Variants in FERMT1 observed in about 807,000 individuals in gnomAD.
The protein encoded by FERMT1 is FERM domain containing kindlin 1, also known as fermitin family homolog 1.
In FERMT1, 60 loss-of-function variants were observed where a neutral mutation model predicts 85.3. The ratio of observed to expected loss-of-function variants is 0.70; its 90% CI spans 0.57 to 0.87. FERMT1 has a LOEUF of 0.87. Ranked by LOEUF, FERMT1 falls within the 40% of genes least tolerant of loss-of-function variation. The probability of loss-of-function intolerance (pLI) is 0.00; values close to 1 mark genes in which losing one functional copy is unlikely to be tolerated. For synonymous variants in FERMT1, 275 were observed against 301.1 expected (o/e 0.91, Z 0.90); for missense variants, 701 against 818.9 (o/e 0.86, Z 1.76).
chr20:6,087,776 C>A lies in FERMT1; in HGVS notation c.1371+1G>T. On this transcript the variant is annotated splice_donor_variant, in intron 11 of 14. Coordinates refer to ENST00000217289, the MANE Select transcript of FERMT1 (RefSeq NM_017671.5). LOFTEE classifies it high-confidence loss of function. ...CTTAATATTTTTGGGGTTTTACTCA[C>A]ATGGTCACATCTCAAATACATTTCA... is the stretch of plus-strand genomic sequence containing the variant. The A allele has an allele frequency of 6.5e-7, 1 of 1,547,760 alleles. No individual in the cohort carries two copies. The highest frequency in any genetic ancestry group is 8.9e-7 in the Non-Finnish European group (1 of 1,119,512).
rs146180696 is a variant in FERMT1, at chr20:6,097,571, C to A, written c.910G>T (p.Glu304Ter). 201 of 1,613,976 alleles carry A rather than the reference C, an allele frequency of 1.2e-4. No individual in the cohort carries two copies. Among genetic ancestry groups the A allele is most frequent in the Non-Finnish European group, 1.6e-4 (189 of 1,180,000 alleles). ...ATTTCTTCCTCTGTGCAATCAATTT[C>A]TTCTAAGAGAATGGCCCACCTGGCT... ...EQARWAILLE[E>*]IDCTEEEMLI... Residue 304 changes from glutamate to a stop codon, truncating the protein, a stop_gained, in exon 7 of 15, where the codon GAA becomes TAA. Coordinates refer to ENST00000217289, the MANE Select transcript of FERMT1 (RefSeq NM_017671.5). LOFTEE classifies it high-confidence loss of function.
chr20:6,118,130 C>T (rs561561080), intron 2 of FERMT1, among the ~76,000 whole-genome samples: 2 of 152,138 alleles, frequency 1.3e-5, no homozygotes, highest in Admixed American at 6.5e-5. Context: ...AAAATGTAAA[C>T]AACCCAAATG....
chr20:6,116,742 A>AAAAG (rs397958119), intron 2 of FERMT1, among the ~76,000 whole-genome samples: 1 of 151,250 alleles, frequency 6.6e-6, no homozygotes, highest in Non-Finnish European at 1.5e-5. Context: ...AAAAAAAAAA[A>AAAAG]TGGAAAATAG....
At chr20:6,094,859 T>C in intron 9 of FERMT1, 80 bp downstream of exon 9, 1 of 841,286 alleles carries the variant, frequency 1.2e-6, no homozygotes, top group Non-Finnish European at 2.1e-6. Context: ...GCCTCAGGGA[T>C]ATATAATTTA....
At chr20:6,099,726 T>TG (rs112813313) in intron 6 of FERMT1, among the ~76,000 whole-genome samples, 14,293 of 150,914 alleles carry the variant, frequency 0.095, 1,179 homozygotes, top group East Asian at 0.47. Flanking sequence ...TTTAAAAAAG[T>TG]GGCTCTTGTC....
chr20:6,077,611 A>G (rs367683236), intron 14 of FERMT1, among the ~76,000 whole-genome samples: 3 of 152,178 alleles, frequency 2.0e-5, no homozygotes, highest in East Asian at 3.8e-4. Flanking sequence ...GTTTAGATAC[A>G]AGGATTTTGC....
At chr20:6,097,177 GA>G in intron 7 of FERMT1, 144 bp from the exon 8 acceptor site, 2 of 864,346 alleles carry the variant, frequency 2.3e-6, no homozygotes, top group South Asian at 1.4e-5. Flanking sequence ...CCCGTGTGGG[GA>G]AAATGACATT....
In FERMT1 at chr20:6,078,713, C is replaced by A. The variant is rs7269702; in HGVS notation, c.1860+723G>T. Among the ~76,000 whole-genome samples the A allele has an allele frequency of 8.0e-3, 1,204 of 150,786 alleles. 19 individuals are homozygous for A. Among genetic ancestry groups the A allele is most frequent in the African/African-American group, 0.028 (1,155 of 40,964 alleles). ...ATGTTGCCCAGGCTGGTCTCGAACTCCCAGCCTCAAGTGATCCTTCCCACC... is the reference window on the plus strand; with the variant it reads ...ATGTTGCCCAGGCTGGTCTCGAACTACCAGCCTCAAGTGATCCTTCCCACC... On this transcript the variant is annotated intron_variant, in intron 14 of 14. Transcript: ENST00000217289.
intron 1 of FERMT1, 144 bp downstream of exon 1, chr20:6,122,630 A>G (rs1413044492): frequency 6.6e-6 from 1 of 152,318 alleles, no homozygotes; most frequent in Non-Finnish European, 1.5e-5. Context: ...AGGTGGTCAC[A>G]TCCAGACGAA....
intron 3 of FERMT1, among the ~76,000 whole-genome samples, chr20:6,114,671 A>C (rs1320900381): frequency 2.0e-5 from 3 of 152,162 alleles, no homozygotes; most frequent in African/African-American, 7.2e-5. Flanking sequence ...TCATTTGTTC[A>C]CTCAACAGTT....
At chr20:6,107,294 C>T (rs142123963) in intron 6 of FERMT1, among the ~76,000 whole-genome samples, 73 of 152,094 alleles carry the variant, frequency 4.8e-4, no homozygotes, top group African/African-American at 1.6e-3. Context: ...GTGCATGCCA[C>T]GCTAGGCGCA....
chr20:6,084,438 C>T (rs979593337), intron 12 of FERMT1, among the ~76,000 whole-genome samples: 2 of 152,070 alleles, frequency 1.3e-5, no homozygotes, highest in Admixed American at 6.6e-5. Context: ...GTGGAGTGTC[C>T]ACAGACAATG....
At chr20:6,083,632 C>T (rs1344023664) in intron 13 of FERMT1, among the ~76,000 whole-genome samples, 2 of 147,322 alleles carry the variant, frequency 1.4e-5, no homozygotes, top group East Asian at 4.0e-4. Context: ...AGTTCGAGAC[C>T]AGCCTGGGCG....
chr20:6,116,148 A>T, intron 2 of FERMT1, 104 bp from the exon 3 acceptor site: 1 of 813,238 alleles, frequency 1.2e-6, no homozygotes, highest in Non-Finnish European at 2.1e-6. Context: ...GGAAACCAAC[A>T]ACTGATCTCC....
chr20:6,075,131 T>TGTGTCGTGG lies in FERMT1; in HGVS notation c.*2041_*2042insCCACGACAC, dbSNP rs1981778836. Reference sequence around the variant, plus strand: ...GGAAGAAACGCTCCCCTGAAAACTGTAACCAAACAAAGTTTGGTTAAAACA... The same window carrying TGTGTCGTGG: ...GGAAGAAACGCTCCCCTGAAAACTGTGTGTCGTGGAACCAAACAAAGTTTGGTTAAAACA... On this transcript the variant is annotated 3_prime_UTR_variant, in exon 15 of 15. Transcript: ENST00000217289. The TGTGTCGTGG allele has an allele frequency of 6.6e-6, 1 of 152,034 alleles. No homozygotes were observed. Among genetic ancestry groups the TGTGTCGTGG allele is most frequent in the East Asian group, 1.9e-4 (1 of 5,290 alleles). 9.4% of individuals were successfully genotyped at this position (152,034 alleles called of 1,614,324 possible).
chr20:6,119,664 GT>G (rs758479827), intron 1 of FERMT1, 92 bp from the exon 2 acceptor site: 6 of 1,046,730 alleles, frequency 5.7e-6, no homozygotes, highest in Non-Finnish European at 8.5e-6. Flanking sequence ...TTTTTGTTTT[GT>G]TTTTCATTGT....
intron 2 of FERMT1, among the ~76,000 whole-genome samples, chr20:6,118,434 T>C (rs1360026915): frequency 6.6e-6 from 1 of 152,208 alleles, no homozygotes; most frequent in Non-Finnish European, 1.5e-5. Context: ...GCTGATGTTC[T>C]ATTTCGTGAT....
chr20:6,089,051 C>T lies in FERMT1; in HGVS notation c.1178G>A (p.Trp393Ter), dbSNP rs750308235. 2 of 1,611,954 alleles carry T rather than the reference C, an allele frequency of 1.2e-6. No individual in the cohort carries two copies. Among genetic ancestry groups the T allele is most frequent in the Non-Finnish European group, 1.7e-6 (2 of 1,178,562 alleles). Reference protein sequence around the residue: ...KLLPKAFKQYWFIFKDTSIAY... With the variant: ...KLLPKAFKQY ...TATGGATGTGTCTTTAAAGATAAAC[C>T]AATATTGTTTGAAAGCTTTTGGTAG... Residue 393 changes from tryptophan to a stop codon, truncating the protein, a stop_gained, in exon 10 of 15, where the codon TGG becomes TAG. Coordinates refer to ENST00000217289, the MANE Select transcript of FERMT1 (RefSeq NM_017671.5). LOFTEE classifies it high-confidence loss of function.
chr20:6,075,100 T>A lies in FERMT1; in HGVS notation c.*2073A>T, dbSNP rs867781973. Reference sequence around the variant, plus strand: ...TTTATTTCTTTGGGATGTTGCTGTGTGTCATGGAAGAAACGCTCCCCTGAA... The same window carrying A: ...TTTATTTCTTTGGGATGTTGCTGTGAGTCATGGAAGAAACGCTCCCCTGAA... On this transcript the variant is annotated 3_prime_UTR_variant, in exon 15 of 15. Transcript: ENST00000217289. The A allele has an allele frequency of 6.6e-6, 1 of 151,426 alleles. No homozygotes were observed. The highest frequency in any genetic ancestry group is 1.5e-5 in the Non-Finnish European group (1 of 67,884). 9.4% of individuals were successfully genotyped at this position (151,426 alleles called of 1,614,324 possible). A position where few individuals can be genotyped will look rare whatever the true frequency, so the allele number is the denominator to read the frequency against.
Sources: allele counts gnomAD v4.1 joint callset (sites outside exome capture counted in the v4.1 genomes callset), GRCh38; gene constraint gnomAD v4.1.1; transcripts MANE v1.5; gene names NCBI Gene and HGNC (gene_info 2026-07-23, HGNC 2026-07-21).